Variants in THRA observed in about 807,000 individuals in gnomAD.
THRA encodes the protein EAR-7.
Under a neutral mutation model 45.0 loss-of-function variants are expected in THRA, and 13 were observed. The ratio of observed to expected loss-of-function variants is 0.29; its 90% CI spans 0.19 to 0.46. The LOEUF is 0.46. THRA is among the 20% of genes least tolerant of loss of function. The pLI, the probability that THRA is intolerant of heterozygous loss-of-function variation, is 1.00. For synonymous variants in THRA, 195 were observed against 214.0 expected, an observed-to-expected ratio of 0.91 and a Z score of 0.78; for missense variants, 278 against 556.1, an observed-to-expected ratio of 0.50 and a Z score of 5.03.
At chr17:40,080,288 C>T (rs1270938991) in intron 4 of THRA, among the ~76,000 whole-genome samples, 12 of 151,682 alleles carry the variant, frequency 7.9e-5, no homozygotes, top group Admixed American at 5.9e-4. Context: ...ACCTGTGGTC[C>T]CAGCTACTCA....
intron 4 of THRA, among the ~76,000 whole-genome samples, chr17:40,078,039 T>TC (rs1472659480): frequency 1.3e-5 from 2 of 152,190 alleles, no homozygotes; most frequent in Admixed American, 1.3e-4. Context: ...TCATAACTCC[T>TC]CCTCTGCCAC....
At chr17:40,070,344 T>A (rs1465205713) in intron 1 of THRA, among the ~76,000 whole-genome samples, 1 of 152,088 alleles carries the variant, frequency 6.6e-6, no homozygotes, top group East Asian at 1.9e-4. Flanking sequence ...TAACAGAGAG[T>A]TGGGTGGGGC....
chr17:40,093,785 G>A (rs2145098070), downstream of THRA: 3 of 801,234 alleles, frequency 3.7e-6, no homozygotes, highest in African/African-American at 3.4e-5. This position sits in a 1 kb window ranked among gnomAD's most constrained non-coding sequence, Gnocchi z 5.9. Flanking sequence ...GCTAGACTGT[G>A]TCTGAATCAT....
At chr17:40,072,028 GGCAGA>G (rs1452414349) in intron 1 of THRA, 1 of 152,312 alleles carries the variant, frequency 6.6e-6, no homozygotes, top group African/African-American at 2.4e-5. Flanking sequence ...AGAGGGGTGG[GGCAGA>G]GAGCGAGTCT....
At chr17:40,084,053 C>T in intron 5 of THRA, 71 bp downstream of exon 5, 1 of 1,515,304 alleles carries the variant, frequency 6.6e-7, no homozygotes, top group Non-Finnish European at 8.9e-7. Context: ...AGGGCAGCTT[C>T]CTTCCAGGGT....
intron 2 of THRA, among the ~76,000 whole-genome samples, chr17:40,076,477 T>C (rs1986957393): frequency 6.6e-6 from 1 of 152,252 alleles, no homozygotes. Flanking sequence ...GTTATTCATC[T>C]GTGCCGGTGT....
chr17:40,064,642 C>T (rs1324027756), intron 1 of THRA, among the ~76,000 whole-genome samples: 1 of 152,168 alleles, frequency 6.6e-6, no homozygotes, highest in Admixed American at 6.5e-5. Flanking sequence ...GCATGCATTC[C>T]CAATGACATG....
At chr17:40,088,157 A>T (rs775088501) in intron 7 of THRA, 85 bp from the exon 8 acceptor site, 7 of 1,502,038 alleles carry the variant, frequency 4.7e-6, no homozygotes, top group Non-Finnish European at 6.2e-6. Context: ...TGCGGGCCTC[A>T]CGGCTCCCGT....
In THRA at chr17:40,074,431, G is replaced by C; in HGVS notation, c.-58G>C. 2 of 1,600,640 alleles carry C rather than the reference G, an allele frequency of 1.2e-6. No homozygotes were observed. ...GCCTGTGGGTGTGCCGGGGGGGCCA[G>C]TGTGCCCACCCCAGTCTCTTGGCGT... On this transcript the variant is annotated 5_prime_UTR_variant, in exon 2 of 9. Coordinates refer to ENST00000450525, the MANE Select transcript of THRA (RefSeq NM_199334.5).
rs1296734429 is a variant in THRA, at chr17:40,092,872, G to A, written c.*3416G>A. ...GGAGGGTTGTGGGGGAGACAGAGTG[G>A]TTTAAATAGGGGAGGAGGGGAAGTT... On this transcript the variant is annotated 3_prime_UTR_variant, in exon 9 of 9. Coordinates refer to ENST00000450525, the MANE Select transcript of THRA (RefSeq NM_199334.5). 2 of 1,185,320 alleles carry A rather than the reference G, an allele frequency of 1.7e-6. No homozygotes were observed. The highest frequency in any genetic ancestry group is 3.1e-5 in the African/African-American group (2 of 64,524). The allele number at this position is 1,185,320 out of a possible 1,614,324, so 73.4% of individuals were successfully genotyped here. A position where few individuals can be genotyped will look rare whatever the true frequency, so the allele number is the denominator to read the frequency against.
chr17:40,078,835 G>A lies in THRA; in HGVS notation c.222+1227G>A, dbSNP rs186411126. Reference sequence around the variant, plus strand: ...CAACCTTCGCCTCCCGGGTTCAAGCGATTCTCCTGCTTCAGCCTCCTGAGT... The same window carrying A: ...CAACCTTCGCCTCCCGGGTTCAAGCAATTCTCCTGCTTCAGCCTCCTGAGT... On this transcript the variant is annotated intron_variant, in intron 4 of 8. Transcript: ENST00000450525. 1.9e-3 allele frequency among the ~76,000 whole-genome samples: 285 copies of A among 149,388 alleles called. 1 individual carries two copies. The highest frequency in any genetic ancestry group is 6.6e-3 in the African/African-American group (267 of 40,582).
intron 1 of THRA, among the ~76,000 whole-genome samples, chr17:40,064,621 A>G (rs1266962987): frequency 1.3e-5 from 2 of 152,226 alleles, no homozygotes; most frequent in Non-Finnish European, 2.9e-5. Context: ...GTTCCTGCGT[A>G]ATGGTGTAAA....
intron 6 of THRA, among the ~76,000 whole-genome samples, chr17:40,085,949 G>C (rs937675913): frequency 2.0e-5 from 3 of 152,032 alleles, no homozygotes; most frequent in Non-Finnish European, 4.4e-5. Context: ...GCCTCTCTAC[G>C]AATAATTTTA....
intron 1 of THRA, among the ~76,000 whole-genome samples, chr17:40,070,826 C>A (rs963744722): frequency 2.6e-5 from 4 of 151,928 alleles, no homozygotes; most frequent in Non-Finnish European, 4.4e-5. Flanking sequence ...CCCCTCCCCC[C>A]AGCCTGCATG....
chr17:40,074,641 G>A lies in THRA; in HGVS notation c.53+100G>A, dbSNP rs77367456. ...GCACCGCCTTTAAGCACCTCTGTGGGATGGACGTGAGGCCAGCAAGCCTTC... is the reference window on the plus strand; with the variant it reads ...GCACCGCCTTTAAGCACCTCTGTGGAATGGACGTGAGGCCAGCAAGCCTTC... On this transcript the variant is annotated intron_variant, in intron 2 of 8. Coordinates refer to ENST00000450525, the MANE Select transcript of THRA (RefSeq NM_199334.5). 1,614 of 1,319,608 alleles carry A rather than the reference G, an allele frequency of 1.2e-3. 8 individuals carry two copies. The African/African-American group carries it at 0.019, about 15-fold the overall frequency. 81.7% of individuals were successfully genotyped at this position (1,319,608 alleles called of 1,614,324 possible).
At chr17:40,068,018 C>T (rs909410907) in intron 1 of THRA, among the ~76,000 whole-genome samples, 4 of 152,176 alleles carry the variant, frequency 2.6e-5, no homozygotes, top group Non-Finnish European at 5.9e-5. Flanking sequence ...AGACCCCCCA[C>T]ACACACATCC....
intron 7 of THRA, 51 bp downstream of exon 7, chr17:40,086,904 G>T (rs2145081532): frequency 1.9e-6 from 3 of 1,607,004 alleles, no homozygotes; most frequent in Non-Finnish European, 1.7e-6. Flanking sequence ...AGGGAAACCT[G>T]CTCCCCCGGT....
intron 3 of THRA, 60 bp from the exon 4 acceptor site, chr17:40,077,448 A>G: frequency 6.8e-7 from 1 of 1,470,310 alleles, no homozygotes; most frequent in Non-Finnish European, 9.5e-7. Context: ...AAAGTGTGAG[A>G]GCCTCTCTGC....
chr17:40,083,170 G>A (rs907849585), intron 4 of THRA, among the ~76,000 whole-genome samples: 9 of 151,032 alleles, frequency 6.0e-5, no homozygotes, highest in Non-Finnish European at 1.0e-4. Flanking sequence ...CTTGTGATCC[G>A]CCTGCCTCAG....
Sources: gnomAD v4.1 joint callset for allele counts (sites outside exome capture counted in the v4.1 genomes callset) on GRCh38, gnomAD v4.1.1 for gene constraint, Gnocchi (gnomAD v3.1) non-coding constraint, MANE v1.5 for transcripts, NCBI Gene and HGNC (gene_info 2026-07-23, HGNC 2026-07-21) for gene names.